The following SPAG9 variants were observed in gnomAD, a reference collection of about 807,000 sequenced individuals.
The protein encoded by SPAG9 is C-Jun-amino-terminal kinase-interacting protein 4.
Under a neutral mutation model 166.5 loss-of-function variants are expected in SPAG9, and 35 were observed. The observed-to-expected ratio is 0.21, with a 90% CI of 0.16 to 0.28. The LOEUF (loss-of-function observed/expected upper bound fraction) is 0.28. Among genes scored for constraint, SPAG9 ranks in the 10% least tolerant of loss-of-function variants. The pLI, the probability that SPAG9 is intolerant of heterozygous loss-of-function variation, is 1.00. For synonymous variants in SPAG9, 534 were observed against 565.5 expected (o/e 0.94, Z 0.79); for missense variants, 1,235 against 1,603.3 (o/e 0.77, Z 3.92).
intron 16 of SPAG9, chr17:50,996,359 C>G (rs117087150): frequency 0.032 from 17,924 of 566,066 alleles, 370 homozygotes; most frequent in Non-Finnish European, 0.04. Context: ...CTCCTCCCCC[C>G]CTCACAGACT....
At chr17:51,017,011 TTAAC>T (rs1208529999) in intron 8 of SPAG9, among the ~76,000 whole-genome samples, 3 of 152,222 alleles carry the variant, frequency 2.0e-5, no homozygotes, top group African/African-American at 7.2e-5. Flanking sequence ...AATAATGAAT[TTAAC>T]TAACAGAATT....
chr17:51,067,906 T>G (rs1222861345), intron 2 of SPAG9, among the ~76,000 whole-genome samples: 1 of 152,194 alleles, frequency 6.6e-6, no homozygotes, highest in East Asian at 1.9e-4. Flanking sequence ...AGCCACCTGC[T>G]CTGCCGGCTC....
intron 2 of SPAG9, among the ~76,000 whole-genome samples, chr17:51,074,089 A>G: frequency 6.6e-6 from 1 of 150,664 alleles, no homozygotes; most frequent in Non-Finnish European, 1.5e-5. Flanking sequence ...ACAAAAAATA[A>G]GCCGGGCGTG....
intron 25 of SPAG9, among the ~76,000 whole-genome samples, chr17:50,982,308 T>C (rs1974723482): frequency 6.6e-6 from 1 of 152,198 alleles, no homozygotes; most frequent in Non-Finnish European, 1.5e-5. Context: ...ATGAATCCTC[T>C]TTCCTTTTTT....
At chr17:51,009,036 A>AG (rs1370426653) in intron 9 of SPAG9, 1 of 376,866 alleles carries the variant, frequency 2.7e-6, no homozygotes, top group Non-Finnish European at 5.2e-6. Flanking sequence ...ATAGTTGAGC[A>AG]GAAAAAAATG....
rs374354255 is a variant in SPAG9, at chr17:51,026,738, G to A, written c.783+4943C>T. Among the ~76,000 whole-genome samples, 6 of 148,210 alleles carry A rather than the reference G, an allele frequency of 4.0e-5. No individual in the cohort carries two copies. The East Asian group carries it at 5.9e-4, about 15-fold the overall frequency. On this transcript the variant is annotated intron_variant, in intron 6 of 29. Coordinates refer to ENST00000262013, the MANE Select transcript of SPAG9 (RefSeq NM_001130528.3). ...TTGCCCCAGGCTGTAGTGCAATGGC[G>A]CAATCTTGGCTCACCGCAACCTCTG...
At chr17:51,104,551 G>A (rs574954205) in intron 1 of SPAG9, among the ~76,000 whole-genome samples, 8 of 152,238 alleles carry the variant, frequency 5.3e-5, no homozygotes, top group Admixed American at 3.3e-4. Context: ...CAGGAGAATC[G>A]CTTGAACCCG....
At chr17:50,971,970 T>C (rs1218652538) in intron 28 of SPAG9, among the ~76,000 whole-genome samples, 3 of 152,078 alleles carry the variant, frequency 2.0e-5, no homozygotes, top group South Asian at 4.2e-4. Flanking sequence ...TTTCACCAAG[T>C]TGGTCAGGCT....
intron 1 of SPAG9, among the ~76,000 whole-genome samples, chr17:51,096,288 G>T (rs2048646098): frequency 6.6e-6 from 1 of 151,398 alleles, no homozygotes; most frequent in Non-Finnish European, 1.5e-5. Flanking sequence ...GGCGGAGGTT[G>T]CAGTGAGCCA....
chr17:51,054,207 C>T (rs2047292684), intron 3 of SPAG9, among the ~76,000 whole-genome samples: 1 of 145,800 alleles, frequency 6.9e-6, no homozygotes, highest in African/African-American at 2.5e-5. Flanking sequence ...TCCCCTACCT[C>T]CTGGGCTCAA....
At chr17:51,014,865 T>A (rs1037717982) in intron 8 of SPAG9, among the ~76,000 whole-genome samples, 14 of 152,028 alleles carry the variant, frequency 9.2e-5, no homozygotes, top group African/African-American at 2.9e-4. Flanking sequence ...TTTTTTTTTT[T>A]AATCAAGTTG....
chr17:51,115,095 A>T (rs1365973979), intron 1 of SPAG9, among the ~76,000 whole-genome samples: 1 of 152,234 alleles, frequency 6.6e-6, no homozygotes, highest in Non-Finnish European at 1.5e-5. Flanking sequence ...CCATTTAAAC[A>T]AAAATCATTT....
intron 27 of SPAG9, 60 bp downstream of exon 27, chr17:50,977,048 A>C: frequency 9.4e-7 from 1 of 1,064,624 alleles, no homozygotes; most frequent in Non-Finnish European, 1.4e-6. Flanking sequence ...AATTTCAGAC[A>C]TAACTATTTC....
chr17:51,033,372 TATTATATC>T (rs1354842994), intron 5 of SPAG9, among the ~76,000 whole-genome samples: 4 of 148,466 alleles, frequency 2.7e-5, no homozygotes, highest in Admixed American at 2.7e-4. Flanking sequence ...CTTAAAAAGA[TATTATATC>T]TATGTGCACC....
intron 6 of SPAG9, among the ~76,000 whole-genome samples, chr17:51,029,942 GACC>G (rs2046325085): frequency 6.6e-6 from 1 of 152,118 alleles, no homozygotes; most frequent in Non-Finnish European, 1.5e-5. Flanking sequence ...TCCCTGTGGA[GACC>G]ACATCAGAGG....
At chr17:50,996,322 T>G in intron 16 of SPAG9, 1 of 475,678 alleles carries the variant, frequency 2.1e-6, no homozygotes. Context: ...TACCTCAAAC[T>G]CCATGCACTT....
chr17:50,989,751 G>A lies in SPAG9; in HGVS notation c.2739C>T (p.Val913=), dbSNP rs1975379080. Residue 913 remains valine (V), a synonymous_variant, in exon 21 of 30, where the codon GTC becomes GTT. Coordinates refer to ENST00000262013, the MANE Select transcript of SPAG9 (RefSeq NM_001130528.3). ...EDTVDISQTG[V]YTEHVFTDPL... The stretch of plus-strand genomic sequence containing the variant: ...GATCTGTAAAGACATGCTCTGTGTA[G>A]ACGCCAGTTTGGGAGATGTCCACTG... 1 of 1,614,066 alleles carries A rather than the reference G, an allele frequency of 6.2e-7. No individual in the cohort carries two copies. The highest frequency in any genetic ancestry group is 1.7e-5 in the Admixed American group (1 of 59,992).
chr17:50,995,798 G>A, intron 16 of SPAG9: 1 of 358,490 alleles, frequency 2.8e-6, no homozygotes, highest in Non-Finnish European at 5.0e-6. Flanking sequence ...AAGGTAGCTG[G>A]GACTACAGGC....
At chr17:50,996,288 T>C (rs1231319942) in intron 16 of SPAG9, 1 of 321,774 alleles carries the variant, frequency 3.1e-6, no homozygotes, top group African/African-American at 2.1e-5. Flanking sequence ...TAAACCAGAA[T>C]TGCTCTGGTT....
Sources: allele counts gnomAD v4.1 joint callset (sites outside exome capture counted in the v4.1 genomes callset), GRCh38; gene constraint gnomAD v4.1.1; transcripts MANE v1.5; gene names NCBI Gene and HGNC (gene_info 2026-07-23, HGNC 2026-07-21).